MARCHF7: variants seen among roughly 807,000 people sequenced by gnomAD.
The protein encoded by MARCHF7 is membrane associated ring-CH-type finger 7.
Under a neutral mutation model 76.5 loss-of-function variants are expected in MARCHF7, and 20 were observed. The observed-to-expected ratio is 0.26, with a 90% CI of 0.18 to 0.38. The LOEUF is 0.38. Among genes scored for constraint, MARCHF7 ranks in the 10% least tolerant of loss-of-function variants. MARCHF7 has a pLI of 1.00. For synonymous variants in MARCHF7, 295 were observed against 293.0 expected (o/e 1.01, Z -0.07); for missense variants, 797 against 812.9 (o/e 0.98, Z 0.24).
At chr2:159,715,358 T>G (rs1188964860) in intron 2 of MARCHF7, among the ~76,000 whole-genome samples, 10 of 150,630 alleles carry the variant, frequency 6.6e-5, no homozygotes, top group African/African-American at 2.2e-4. Flanking sequence ...AGAGTTTAGG[T>G]GGGGGGGGTA....
rs766570004 is a variant in MARCHF7 at position 159,731,623 on chromosome 2, G to A, written c.153+2448G>A. On this transcript the variant is annotated intron_variant, in intron 4 of 11. Coordinates refer to ENST00000409175, the MANE Select transcript of MARCHF7 (RefSeq NM_001282805.2). ...GACAAAATTAGCTGGGCGTGGTGGC[G>A]CATGCCTGTAGTCCTAGCTACTCGG... is the stretch of plus-strand genomic sequence containing the variant. 5.3e-5 allele frequency among the ~76,000 whole-genome samples: 8 copies of A among 151,574 alleles called. No homozygotes were observed. The East Asian group carries it at 9.7e-4, about 18-fold the overall frequency.
chr2:159,749,835 A>G (rs986773353), intron 7 of MARCHF7, among the ~76,000 whole-genome samples: 1 of 152,202 alleles, frequency 6.6e-6, no homozygotes, highest in Non-Finnish European at 1.5e-5. Flanking sequence ...TGTCTTACCC[A>G]ATTCCTTAGT....
At chr2:159,767,178 T>G (rs1017697406) in intron 11 of MARCHF7, 106 bp from the exon 12 acceptor site, 5 of 773,752 alleles carry the variant, frequency 6.5e-6, no homozygotes, top group Non-Finnish European at 8.8e-6. Flanking sequence ...TATACTAAAT[T>G]GGGATTTTTG....
intron 3 of MARCHF7, among the ~76,000 whole-genome samples, chr2:159,717,102 T>C (rs1367564829): frequency 6.6e-6 from 1 of 152,180 alleles, no homozygotes; most frequent in Non-Finnish European, 1.5e-5. Flanking sequence ...TTACTCTTTG[T>C]GATCATTTAT....
intron 5 of MARCHF7, among the ~76,000 whole-genome samples, chr2:159,744,892 C>T (rs1323991660): frequency 6.6e-6 from 1 of 152,158 alleles, no homozygotes; most frequent in African/African-American, 2.4e-5. Context: ...AGGTTTGAGA[C>T]TTAATGTTTA....
At chr2:159,753,404 T>G (rs867903812) in intron 8 of MARCHF7, among the ~76,000 whole-genome samples, 1 of 151,858 alleles carries the variant, frequency 6.6e-6, no homozygotes, top group Non-Finnish European at 1.5e-5. Flanking sequence ...ACCCCATCTC[T>G]ACTAAAAATA....
intron 9 of MARCHF7, among the ~76,000 whole-genome samples, chr2:159,762,660 T>A (rs1406045154): frequency 6.6e-6 from 1 of 152,208 alleles, no homozygotes; most frequent in Non-Finnish European, 1.5e-5. Flanking sequence ...TTATATAAAG[T>A]CATTACACTA....
intron 3 of MARCHF7, among the ~76,000 whole-genome samples, chr2:159,722,602 G>T (rs947533700): frequency 6.6e-6 from 1 of 152,146 alleles, no homozygotes; most frequent in Non-Finnish European, 1.5e-5. Context: ...TAGTGCATGA[G>T]TATCCAAAAA....
chr2:159,739,466 C>T (rs1047980110), intron 4 of MARCHF7, among the ~76,000 whole-genome samples: 3 of 152,180 alleles, frequency 2.0e-5, no homozygotes, highest in Non-Finnish European at 1.5e-5. Flanking sequence ...TACAGTTGTT[C>T]ATAACGGCAT....
In MARCHF7 at chr2:159,770,226, T is replaced by C. The variant is rs1426949483; in HGVS notation, c.*2884T>C. 6.6e-6 allele frequency: 1 copy of C among 152,128 alleles called. No individual in the cohort carries two copies. Among genetic ancestry groups the C allele is most frequent in the East Asian group, 1.9e-4 (1 of 5,198 alleles). The allele number at this position is 152,128 out of a possible 1,614,324, so 9.4% of individuals were successfully genotyped here. ...TAGTGTTCAATATTGACATTAGTAA[T>C]AGTCTATCAATAATAAAATAGACAT... On this transcript the variant is annotated 3_prime_UTR_variant, in exon 12 of 12. Coordinates refer to ENST00000409175, the MANE Select transcript of MARCHF7 (RefSeq NM_001282805.2).
intron 7 of MARCHF7, among the ~76,000 whole-genome samples, chr2:159,751,925 A>G (rs1254911921): frequency 1.3e-5 from 2 of 152,206 alleles, no homozygotes; most frequent in Non-Finnish European, 2.9e-5. Flanking sequence ...TCTACAAGCC[A>G]GTATGTGTTT....
rs527459911 is a variant in MARCHF7, at chr2:159,750,115, A to G, written c.1613+1212A>G. 2.6e-5 allele frequency among the ~76,000 whole-genome samples: 4 copies of G among 152,342 alleles called. No homozygotes were observed. The East Asian group carries it at 7.7e-4, about 29-fold the overall frequency. On this transcript the variant is annotated intron_variant, in intron 7 of 11. Transcript: ENST00000409175. Reference sequence around the variant, plus strand: ...GAGACAGGGTCTCGCTTTGCTTCCCATGCTGGTCTCAAACTCCTGGCTTCA... The same window carrying G: ...GAGACAGGGTCTCGCTTTGCTTCCCGTGCTGGTCTCAAACTCCTGGCTTCA...
chr2:159,759,286 TG>T lies in MARCHF7; in HGVS notation c.1846del (p.Glu616ArgfsTer28). The T allele has an allele frequency of 6.2e-7, 1 of 1,612,452 alleles. No individual in the cohort carries two copies. Among genetic ancestry groups the T allele is most frequent in the Non-Finnish European group, 8.5e-7 (1 of 1,178,802 alleles). Reference protein sequence around the residue: ...ELCKEKLELNLEDFDIHELHR... With the variant: ...ELCKEKLELNXEDFDIHELHR... ...TGTAAAGAGAAGTTGGAGCTTAACC[TG>T]GAGGATTTTGATATTCATGAACTAC... is the stretch of plus-strand genomic sequence containing the variant. On this transcript the variant is annotated frameshift_variant, in exon 9 of 12. Transcript: ENST00000409175. LOFTEE classifies it high-confidence loss of function.
intron 9 of MARCHF7, among the ~76,000 whole-genome samples, chr2:159,761,671 CA>C (rs1707126540): frequency 6.6e-6 from 1 of 151,984 alleles, no homozygotes; most frequent in South Asian, 2.1e-4. Flanking sequence ...TCCAGCCTCC[CA>C]AAATGCTGGG....
Position 159,745,880 on chromosome 2 carries a change from T to A in MARCHF7, c.457T>A (p.Ser153Thr). 1 of 1,613,214 alleles carries A rather than the reference T, an allele frequency of 6.2e-7. No individual in the cohort carries two copies. Among genetic ancestry groups the A allele is most frequent in the Non-Finnish European group, 8.5e-7 (1 of 1,179,502 alleles). Residue 153 changes from serine (S) to threonine (T), a missense_variant, in exon 6 of 12, where the codon TCT becomes ACT. Physicochemically the swap from Ser to Thr is moderately conservative, Grantham distance 58. This residue lies in a region of MARCHF7 where 643 missense variants were observed against 631.5 expected (regional missense o/e 1.02). Coordinates refer to ENST00000409175, the MANE Select transcript of MARCHF7 (RefSeq NM_001282805.2). ...RRDLERRTDSSISNLMDYSHR... is the reference protein window; with the variant it reads ...RRDLERRTDSTISNLMDYSHR... ...AGATTTGGAGAGAAGAACAGATTCC[T>A]CTATTAGTAATCTTATGGATTATAG... is the stretch of plus-strand genomic sequence containing the variant.
Position 159,768,534 on chromosome 2 carries a change from A to C in MARCHF7, c.*1192A>C, listed in dbSNP as rs568021695. On this transcript the variant is annotated 3_prime_UTR_variant, in exon 12 of 12. Transcript: ENST00000409175. The stretch of plus-strand genomic sequence containing the variant: ...TGCCCACACTTAGTTTGTTGGTCTT[A>C]TGTAAAACATTGGCTCAAAATAAAG... The C allele has an allele frequency of 6.5e-5, 10 of 152,730 alleles. No homozygotes were observed. Among genetic ancestry groups the C allele is most frequent in the African/African-American group, 2.4e-4 (10 of 41,592 alleles). The allele number at this position is 152,730 out of a possible 1,614,324, so 9.5% of individuals were successfully genotyped here. A position where few individuals can be genotyped will look rare whatever the true frequency, so the allele number is the denominator to read the frequency against.
chr2:159,764,495 GA>G, intron 10 of MARCHF7, 130 bp from the exon 11 acceptor site: 1 of 502,612 alleles, frequency 2.0e-6, no homozygotes, highest in South Asian at 6.5e-5. Flanking sequence ...GTTAGGGGGA[GA>G]AAAACCCCTA....
chr2:159,754,853 G>GACAGGT (rs1443731282), intron 8 of MARCHF7, among the ~76,000 whole-genome samples: 1 of 152,200 alleles, frequency 6.6e-6, no homozygotes, highest in East Asian at 1.9e-4. Flanking sequence ...CTGATAAGGA[G>GACAGGT]ACAGGTTAGG....
chr2:159,742,521 C>T (rs1447731221), intron 4 of MARCHF7, among the ~76,000 whole-genome samples: 1 of 149,914 alleles, frequency 6.7e-6, no homozygotes, highest in Non-Finnish European at 1.5e-5. Context: ...AGTTTTTGGT[C>T]TTCAGTGTTT....
Sources: gnomAD v4.1 joint callset for allele counts (sites outside exome capture counted in the v4.1 genomes callset) on GRCh38, gnomAD v4.1.1 for gene constraint, gnomAD v4.1.1 regional missense constraint, MANE v1.5 for transcripts, NCBI Gene and HGNC (gene_info 2026-07-23, HGNC 2026-07-21) for gene names.